RBMS3: variants seen among roughly 807,000 people sequenced by gnomAD.
The protein encoded by RBMS3 is RNA-binding motif, single-stranded-interacting protein 3.
Under a neutral mutation model 66.8 loss-of-function variants are expected in RBMS3, and 27 were observed. That is an observed-to-expected ratio of 0.40 (90% confidence interval 0.30 to 0.56). RBMS3 has a LOEUF of 0.56. Ranked by LOEUF, RBMS3 falls within the 20% of genes least tolerant of loss-of-function variation. The pLI is 0.40. For missense variants in RBMS3, 513 were observed against 549.5 expected (o/e 0.93, Z 0.66); for synonymous variants, 188 against 183.0 (o/e 1.03, Z -0.22).
chr3:29,655,734 T>C lies in RBMS3; in HGVS notation c.399+68529T>C, dbSNP rs564251776. On this transcript the variant is annotated intron_variant, in intron 4 of 14. Coordinates refer to ENST00000383767, the MANE Select transcript of RBMS3 (RefSeq NM_001003793.3). The stretch of plus-strand genomic sequence containing the variant: ...TACCACTTCTACTTATAAAAATAAG[T>C]TAACTATAAAACAACCTCAGGCAGG... 8.5e-5 allele frequency among the ~76,000 whole-genome samples: 13 copies of C among 152,278 alleles called. No individual in the cohort carries two copies. The East Asian group carries it at 1.4e-3, about 16-fold the overall frequency.
At chr3:29,471,510 T>C (rs1437028782) in intron 2 of RBMS3, among the ~76,000 whole-genome samples, 4 of 152,172 alleles carry the variant, frequency 2.6e-5, no homozygotes, top group African/African-American at 9.6e-5. Context: ...TTTCATTTTG[T>C]TGTTAGGTGA....
chr3:29,889,261 A>T (rs1364523595), intron 8 of RBMS3, among the ~76,000 whole-genome samples: 1 of 151,680 alleles, frequency 6.6e-6, no homozygotes, highest in Non-Finnish European at 1.5e-5. Context: ...CACCACACAC[A>T]TACACATGCA....
chr3:29,928,302 CAA>C (rs1238535214), intron 10 of RBMS3, among the ~76,000 whole-genome samples: 11 of 149,106 alleles, frequency 7.4e-5, no homozygotes, highest in African/African-American at 2.5e-4. Flanking sequence ...GAACTAATCT[CAA>C]TATTTCAAAT....
chr3:29,864,672 A>G (rs759706906), intron 6 of RBMS3, among the ~76,000 whole-genome samples: 5 of 152,178 alleles, frequency 3.3e-5, no homozygotes, highest in Non-Finnish European at 4.4e-5. Context: ...ATCAGTAATA[A>G]TCTTTGCAGC....
chr3:29,724,591 A>G (rs2053775979), intron 4 of RBMS3, among the ~76,000 whole-genome samples: 1 of 152,194 alleles, frequency 6.6e-6, no homozygotes, highest in Non-Finnish European at 1.5e-5. Flanking sequence ...AATCATTTTT[A>G]TTAAAATGGA....
intron 6 of RBMS3, among the ~76,000 whole-genome samples, chr3:29,796,716 T>TTTTTTTTTTTTTG (rs2057207353): frequency 6.9e-6 from 1 of 144,718 alleles, no homozygotes; most frequent in African/African-American, 2.7e-5. Flanking sequence ...AGGAATCTTT[T>TTTTTTTTTTTTTG]TTTTTTTTTT....
chr3:29,477,622 A>G (rs1400429259), intron 2 of RBMS3, among the ~76,000 whole-genome samples: 1 of 152,158 alleles, frequency 6.6e-6, no homozygotes, highest in African/African-American at 2.4e-5. Context: ...ATCTCTAATA[A>G]TAAAGATATG....
chr3:29,475,906 AG>A (rs1205706192), intron 2 of RBMS3, among the ~76,000 whole-genome samples: 1 of 152,216 alleles, frequency 6.6e-6, no homozygotes, highest in African/African-American at 2.4e-5. Context: ...AAGATCTATA[AG>A]ACAACATTAC....
At chr3:29,355,545 A>G (rs1474251109) in intron 1 of RBMS3, among the ~76,000 whole-genome samples, 22 of 150,040 alleles carry the variant, frequency 1.5e-4, no homozygotes, top group Non-Finnish European at 2.5e-4. Context: ...TTATGGGAAA[A>G]TATATACAGC....
intron 3 of RBMS3, among the ~76,000 whole-genome samples, chr3:29,561,809 A>G (rs989181131): frequency 6.6e-6 from 1 of 152,016 alleles, no homozygotes; most frequent in Non-Finnish European, 1.5e-5. Context: ...TTTGGTTTCC[A>G]TTTCTCTAAC....
At chr3:29,417,906 G>A (rs892482560) in intron 1 of RBMS3, among the ~76,000 whole-genome samples, 2 of 152,210 alleles carry the variant, frequency 1.3e-5, no homozygotes, top group South Asian at 4.1e-4. Context: ...TAAAACAAAT[G>A]TAAACATTAT....
At chr3:29,985,386 C>T (rs1698308905) in intron 12 of RBMS3, among the ~76,000 whole-genome samples, 1 of 150,776 alleles carries the variant, frequency 6.6e-6, no homozygotes, top group Non-Finnish European at 1.5e-5. Context: ...ACTGGCATTC[C>T]AGGTGCCACT....
rs1216707629 is a variant in RBMS3, at chr3:29,281,448, T to C, written c.-234T>C. On this transcript the variant is annotated 5_prime_UTR_variant, in exon 1 of 15. Coordinates refer to ENST00000383767, the MANE Select transcript of RBMS3 (RefSeq NM_001003793.3). ...GATCTGGGAAGGCTGTGTGTGGGTG[T>C]TTTTTCTACAGATCTCACTCCTCGC... is the stretch of plus-strand genomic sequence containing the variant. 1.9e-6 allele frequency: 1 copy of C among 536,622 alleles called. No individual in the cohort carries two copies. The highest frequency in any genetic ancestry group is 3.3e-5 in the East Asian group (1 of 30,702). 33.2% of individuals were successfully genotyped at this position (536,622 alleles called of 1,614,324 possible).
chr3:29,361,345 T>G (rs2125581865), intron 1 of RBMS3, among the ~76,000 whole-genome samples: 1 of 151,016 alleles, frequency 6.6e-6, no homozygotes, highest in East Asian at 1.9e-4. Context: ...GGGTTGAAAA[T>G]TCTTTTATTT....
At chr3:29,290,803 G>T (rs1005703796) in intron 1 of RBMS3, 2 of 151,802 alleles carry the variant, frequency 1.3e-5, no homozygotes, top group Non-Finnish European at 2.9e-5. Context: ...GAACATGCAG[G>T]AATTTCTCTT....
chr3:29,938,455 G>A (rs975216706), intron 11 of RBMS3, among the ~76,000 whole-genome samples: 2 of 151,888 alleles, frequency 1.3e-5, no homozygotes, highest in African/African-American at 4.8e-5. Context: ...ATTACCTGAT[G>A]TTATGGAAAA....
At chr3:29,375,207 T>C (rs2038406149) in intron 1 of RBMS3, among the ~76,000 whole-genome samples, 1 of 152,114 alleles carries the variant, frequency 6.6e-6, no homozygotes, top group African/African-American at 2.4e-5. Context: ...GGAAATCAAC[T>C]CAAGTCAGAT....
chr3:29,426,274 T>A (rs1157004334), intron 1 of RBMS3, among the ~76,000 whole-genome samples: 1 of 152,212 alleles, frequency 6.6e-6, no homozygotes, highest in African/African-American at 2.4e-5. Context: ...AAACTGATAA[T>A]CTTTATAAAA....
At chr3:29,313,358 G>C (rs536643246) in intron 1 of RBMS3, among the ~76,000 whole-genome samples, 4 of 151,668 alleles carry the variant, frequency 2.6e-5, no homozygotes, top group African/African-American at 9.7e-5. Flanking sequence ...TCACTGCCTC[G>C]AGTAGAGAAA....
Sources: gnomAD v4.1 joint callset for allele counts (sites outside exome capture counted in the v4.1 genomes callset) on GRCh38, gnomAD v4.1.1 for gene constraint, MANE v1.5 for transcripts, NCBI Gene and HGNC (gene_info 2026-07-23, HGNC 2026-07-21) for gene names.